The following ABCG2 variants were observed in gnomAD, a reference collection of about 807,000 sequenced individuals.
ABCG2 encodes broad substrate specificity ATP-binding cassette transporter ABCG2.
ABCG2 carries 80 observed loss-of-function variants against 73.5 expected under a neutral mutation model. That is an observed-to-expected ratio of 1.09 (90% CI 0.91 to 1.31). The LOEUF is 1.31. Ranked by LOEUF, ABCG2 falls within the 50% of genes most tolerant of loss-of-function variation. The pLI is 0.00. For synonymous variants in ABCG2, 269 were observed against 282.4 expected, an observed-to-expected ratio of 0.95 and a Z score of 0.48; for missense variants, 796 against 786.2, an observed-to-expected ratio of 1.01 and a Z score of -0.15.
chr4:88,205,792 C>A (rs1384463419), intron 1 of ABCG2, among the ~76,000 whole-genome samples: 9 of 152,208 alleles, frequency 5.9e-5, no homozygotes, highest in Non-Finnish European at 4.4e-5. Flanking sequence ...AAGCAATTCT[C>A]CTGCATCAAC....
chr4:88,157,802 A>C (rs1010928743), intron 1 of ABCG2, among the ~76,000 whole-genome samples: 17 of 152,312 alleles, frequency 1.1e-4, no homozygotes, highest in African/African-American at 3.8e-4. Context: ...TGACATTCAA[A>C]TGATAAGAGA....
chr4:88,178,438 G>T (rs560226959), intron 1 of ABCG2, among the ~76,000 whole-genome samples: 1 of 152,128 alleles, frequency 6.6e-6, no homozygotes, highest in African/African-American at 2.4e-5. Flanking sequence ...TTGTAGGCAC[G>T]GGGTGAGACT....
chr4:88,162,489 G>A (rs976317439), upstream of ABCG2, among the ~76,000 whole-genome samples: 3 of 151,878 alleles, frequency 2.0e-5, no homozygotes, highest in Non-Finnish European at 4.4e-5. Context: ...TTTATAGGTC[G>A]GTTTATTTGC....
intron 11 of ABCG2, among the ~76,000 whole-genome samples, chr4:88,100,528 G>T (rs749961126): frequency 1.9e-4 from 28 of 150,700 alleles, no homozygotes; most frequent in Admixed American, 4.0e-4. Context: ...AAAAAGCTAG[G>T]CATGCCAGTT....
Position 88,211,358 on chromosome 4 carries a change from GC to G in ABCG2, c.-20+19635del, listed in dbSNP as rs1264405228. Among the ~76,000 whole-genome samples the G allele has an allele frequency of 1.2e-3, 39 of 33,676 alleles. 2 individuals are homozygous for G. Among genetic ancestry groups the G allele is most frequent in the African/African-American group, 3.7e-3 (34 of 9,258 alleles). 22.1% of individuals were successfully genotyped at this position (33,676 alleles called of 152,430 possible). A position where few individuals can be genotyped will look rare whatever the true frequency, so the allele number is the denominator to read the frequency against. ...CCTGATAGGTAATTGTTCAACCCCT[GC>G]CCCACCCCCCCCCACTTTTGGAGAC... On this transcript the variant is annotated intron_variant, in intron 1 of 15. Coordinates refer to the ABCG2 transcript ENST00000515655.
intron 1 of ABCG2, among the ~76,000 whole-genome samples, chr4:88,150,410 C>T (rs1560716818): frequency 6.6e-6 from 1 of 152,118 alleles, no homozygotes; most frequent in Non-Finnish European, 1.5e-5. Flanking sequence ...AGCAAAGAGG[C>T]CAGTGAGGCT....
At chr4:88,228,731 C>T (rs1730324765) in intron 1 of ABCG2, among the ~76,000 whole-genome samples, 1 of 152,158 alleles carries the variant, frequency 6.6e-6, no homozygotes, top group African/African-American at 2.4e-5. Flanking sequence ...CACCAATCAG[C>T]ACTCTGTGTC....
chr4:88,106,779 G>A (rs554337537), intron 10 of ABCG2, among the ~76,000 whole-genome samples: 2 of 152,290 alleles, frequency 1.3e-5, no homozygotes, highest in Admixed American at 6.5e-5. Context: ...AGTGGCTCAC[G>A]CCTGTAATCC....
intron 13 of ABCG2, among the ~76,000 whole-genome samples, chr4:88,097,119 G>A (rs550796456): frequency 6.6e-6 from 1 of 152,244 alleles, no homozygotes; most frequent in African/African-American, 2.4e-5. Context: ...ATTCTCAAGA[G>A]AATCTGCCGA....
rs754381375 is a variant in ABCG2, at chr4:88,091,571, G to A, written c.*663C>T. On this transcript the variant is annotated 3_prime_UTR_variant, in exon 16 of 16. Coordinates refer to ENST00000237612, the MANE Select transcript of ABCG2 (RefSeq NM_004827.3). ...TTACGTGACCTCCCAGAGCTAGAAT[G>A]TTCCAGAAATGGTGCAAGAATTCTA... 5.9e-5 allele frequency: 9 copies of A among 152,134 alleles called. No homozygotes were observed. Among genetic ancestry groups the A allele is most frequent in the Non-Finnish European group, 1.3e-4 (9 of 68,058 alleles). 9.4% of individuals were successfully genotyped at this position (152,134 alleles called of 1,614,324 possible).
chr4:88,160,762 T>C (rs1407813064), upstream of ABCG2, among the ~76,000 whole-genome samples: 1 of 150,056 alleles, frequency 6.7e-6, no homozygotes, highest in African/African-American at 2.5e-5. Flanking sequence ...GGCAGGAGAA[T>C]TGCTGGAGCC....
intron 1 of ABCG2, among the ~76,000 whole-genome samples, chr4:88,226,534 T>C (rs535696320): frequency 1.8e-4 from 27 of 152,370 alleles, no homozygotes; most frequent in Admixed American, 3.9e-4. Context: ...CTCTGTGTCC[T>C]GCACTGCTAA....
chr4:88,108,929 A>T (rs1171288029), intron 9 of ABCG2, among the ~76,000 whole-genome samples: 4 of 152,306 alleles, frequency 2.6e-5, no homozygotes, highest in Non-Finnish European at 5.9e-5. Context: ...CTGTATCAAC[A>T]GGCATGCATG....
chr4:88,130,377 A>G (rs921718230), intron 5 of ABCG2, among the ~76,000 whole-genome samples: 27 of 148,632 alleles, frequency 1.8e-4, no homozygotes, highest in African/African-American at 6.7e-4. Flanking sequence ...GTTTCCCATC[A>G]CCCCCAAATG....
At chr4:88,167,522 G>A (rs775848828) in intron 1 of ABCG2, among the ~76,000 whole-genome samples, 3 of 151,884 alleles carry the variant, frequency 2.0e-5, no homozygotes, top group East Asian at 1.9e-4. Context: ...ACAGGCATGC[G>A]TCACCATGCC....
intron 1 of ABCG2, among the ~76,000 whole-genome samples, chr4:88,171,141 A>T (rs1727739873): frequency 2.0e-5 from 3 of 152,096 alleles, no homozygotes. Flanking sequence ...GAGGAGGGAG[A>T]GATGCAGAAA....
rs57530549 is a variant in ABCG2, at chr4:88,202,354, T to TTATA, written c.-20+28636_-20+28639dup. Among the ~76,000 whole-genome samples the TTATA allele has an allele frequency of 6.4e-5, 4 of 62,086 alleles. 1 individual carries two copies. Among genetic ancestry groups the TTATA allele is most frequent in the Non-Finnish European group, 9.7e-5 (3 of 31,014 alleles). 40.7% of individuals were successfully genotyped at this position (62,086 alleles called of 152,430 possible). A position where few individuals can be genotyped will look rare whatever the true frequency, so the allele number is the denominator to read the frequency against. ...AGGAGGACCCCATCTCTACAATTATTTATATATATATATATATATATATGT... is the reference window on the plus strand; with the variant it reads ...AGGAGGACCCCATCTCTACAATTATTTATATATATATATATATATATATATATGT... On this transcript the variant is annotated intron_variant, in intron 1 of 15. Transcript: ENST00000515655.
intron 1 of ABCG2, among the ~76,000 whole-genome samples, chr4:88,169,028 T>A (rs1727650867): frequency 2.0e-5 from 3 of 149,416 alleles, no homozygotes; most frequent in African/African-American, 7.4e-5. Flanking sequence ...TAAAACTGTA[T>A]ATAAATGAAG....
At chr4:88,171,510 C>T (rs77810442) in intron 1 of ABCG2, among the ~76,000 whole-genome samples, 2,889 of 31,460 alleles carry the variant, frequency 0.092, 874 homozygotes, top group South Asian at 0.23. Flanking sequence ...AGGTCTGATT[C>T]GTTCTTTTTC....
Sources: gnomAD v4.1 joint callset for allele counts (sites outside exome capture counted in the v4.1 genomes callset) on GRCh38, gnomAD v4.1.1 for gene constraint, MANE v1.5 for transcripts, NCBI Gene and HGNC (gene_info 2026-07-23, HGNC 2026-07-21) for gene names.